CDH2: variants seen among roughly 807,000 people sequenced by gnomAD.
The protein encoded by CDH2 is cadherin 2, also known as cadherin-2.
A neutral mutation model predicts 92.0 loss-of-function variants in CDH2; 17 were observed. That is an observed-to-expected ratio of 0.18 (90% CI 0.13 to 0.28). The LOEUF (loss-of-function observed/expected upper bound fraction) is 0.28, where lower values mean the gene tolerates loss of function less well. CDH2 is among the 10% of genes least tolerant of loss of function. The pLI, the probability that CDH2 is intolerant of heterozygous loss-of-function variation, is 1.00. For missense variants in CDH2, 862 were observed against 1,133.1 expected (o/e 0.76, Z 3.44); for synonymous variants, 419 against 415.9 (o/e 1.01, Z -0.09).
intron 2 of CDH2, among the ~76,000 whole-genome samples, chr18:28,066,301 A>T (rs1277499509): frequency 1.3e-5 from 2 of 152,232 alleles, no homozygotes; most frequent in Non-Finnish European, 2.9e-5. Context: ...TTCAAAATGC[A>T]AATATTTCAT....
chr18:28,128,691 A>G (rs1326754469), intron 2 of CDH2, among the ~76,000 whole-genome samples: 1 of 152,118 alleles, frequency 6.6e-6, no homozygotes, highest in Non-Finnish European at 1.5e-5. Flanking sequence ...GTCTCAAAAA[A>G]AAAAAAAAAG....
At chr18:28,066,070 T>G (rs17463213) in intron 2 of CDH2, among the ~76,000 whole-genome samples, 1 of 152,012 alleles carries the variant, frequency 6.6e-6, no homozygotes, top group South Asian at 2.1e-4. Context: ...GCTGGCCACA[T>G]TCTACGACTT....
At chr18:28,034,054 T>G (rs1232601809) in intron 2 of CDH2, among the ~76,000 whole-genome samples, 1 of 152,112 alleles carries the variant, frequency 6.6e-6, no homozygotes, top group Non-Finnish European at 1.5e-5. Flanking sequence ...ATAATCATTT[T>G]TTTATCAATT....
rs1428661263 is a variant in CDH2, at chr18:28,036,392, C to T, written c.173-22483G>A. ...TATAAAATGTACTTTGTACATAAGTCTTCTCATTTTATGTTACTTTGTTTT... is the reference window on the plus strand; with the variant it reads ...TATAAAATGTACTTTGTACATAAGTTTTCTCATTTTATGTTACTTTGTTTT... On this transcript the variant is annotated intron_variant, in intron 2 of 15. Transcript: ENST00000269141. The T allele has an allele frequency of 6.4e-6, 5 of 775,444 alleles. No individual in the cohort carries two copies. In the East Asian group the frequency reaches 1.2e-4, roughly 19 times the overall value. The allele number at this position is 775,444 out of a possible 1,614,324, so 48.0% of individuals were successfully genotyped here.
intron 2 of CDH2, among the ~76,000 whole-genome samples, chr18:28,086,509 C>T (rs1307961045): frequency 1.3e-5 from 2 of 151,950 alleles, no homozygotes; most frequent in African/African-American, 4.8e-5. Flanking sequence ...AGAGTGTACT[C>T]GGGAAAAGAG....
intron 9 of CDH2, among the ~76,000 whole-genome samples, chr18:27,991,266 T>C (rs1446964565): frequency 1.3e-5 from 2 of 152,190 alleles, no homozygotes; most frequent in East Asian, 3.9e-4. Flanking sequence ...AGGCTCATAA[T>C]TGGTAGCCTA....
At chr18:28,125,416 A>G (rs940631134) in intron 2 of CDH2, among the ~76,000 whole-genome samples, 1 of 152,150 alleles carries the variant, frequency 6.6e-6, no homozygotes, top group Admixed American at 6.5e-5. Context: ...AATGGAGTAA[A>G]AAAAAATTTT....
intron 2 of CDH2, among the ~76,000 whole-genome samples, chr18:28,096,498 G>A (rs1404897929): frequency 6.7e-6 from 1 of 149,910 alleles, no homozygotes; most frequent in African/African-American, 2.4e-5. Flanking sequence ...AACGCAATAT[G>A]AAAATACATA....
intron 2 of CDH2, among the ~76,000 whole-genome samples, chr18:28,087,375 AG>A (rs1479583980): frequency 3.3e-5 from 5 of 152,230 alleles, no homozygotes; most frequent in Admixed American, 6.5e-5. Flanking sequence ...TAACGGGAGC[AG>A]TAACCAGGTT....
chr18:28,003,267 T>G, intron 6 of CDH2, 98 bp from the exon 7 acceptor site: 1 of 871,330 alleles, frequency 1.1e-6, no homozygotes, highest in Non-Finnish European at 1.7e-6. Context: ...TTATTTTCAC[T>G]TTTTAAAAAC....
At chr18:28,005,730 G>C in intron 6 of CDH2, 119 bp downstream of exon 6, 1 of 635,360 alleles carries the variant, frequency 1.6e-6, no homozygotes, top group Non-Finnish European at 2.5e-6. Flanking sequence ...AAAGCATTAT[G>C]AATGAAAGAA....
intron 2 of CDH2, among the ~76,000 whole-genome samples, chr18:28,093,489 C>T (rs753974710): frequency 1.6e-4 from 25 of 152,042 alleles, no homozygotes; most frequent in Non-Finnish European, 3.4e-4. Context: ...CCATTCGACT[C>T]CCATATGGAA....
At chr18:27,946,994 G>C (rs1243564876), downstream of CDH2, among the ~76,000 whole-genome samples, 1 of 151,526 alleles carries the variant, frequency 6.6e-6, no homozygotes, top group Non-Finnish European at 1.5e-5. Context: ...ATGCATAATC[G>C]TGAAACATAC....
At chr18:27,975,584 C>T (rs2011799703) in intron 14 of CDH2, among the ~76,000 whole-genome samples, 1 of 152,230 alleles carries the variant, frequency 6.6e-6, no homozygotes, top group Non-Finnish European at 1.5e-5. Flanking sequence ...TGCCTGCCAC[C>T]CCAAGGCCCC....
chr18:27,966,318 T>C (rs1394102135), intron 14 of CDH2, among the ~76,000 whole-genome samples: 2 of 152,220 alleles, frequency 1.3e-5, no homozygotes, highest in African/African-American at 2.4e-5. Context: ...TGGTGACATA[T>C]TCTTTGATAC....
At chr18:27,996,811 T>C (rs2012598117) in intron 7 of CDH2, among the ~76,000 whole-genome samples, 1 of 152,164 alleles carries the variant, frequency 6.6e-6, no homozygotes. Flanking sequence ...AACCTTGGGT[T>C]TTGCATGATC....
chr18:28,142,383 G>C (rs1283640329), intron 2 of CDH2, among the ~76,000 whole-genome samples: 1 of 151,652 alleles, frequency 6.6e-6, no homozygotes, highest in African/African-American at 2.4e-5. Context: ...ATCTTACTTT[G>C]CTGCACTGCA....
intron 2 of CDH2, among the ~76,000 whole-genome samples, chr18:28,024,409 T>C (rs1200871927): frequency 1.3e-5 from 2 of 150,870 alleles, no homozygotes; most frequent in African/African-American, 4.9e-5. Context: ...TGTACAAATC[T>C]AGAAAATCTA....
At chr18:28,039,156 C>T (rs1024785336) in intron 2 of CDH2, among the ~76,000 whole-genome samples, 1 of 152,148 alleles carries the variant, frequency 6.6e-6, no homozygotes, top group Non-Finnish European at 1.5e-5. Flanking sequence ...AAAGTCCCTT[C>T]ATTTCTCTCC....
Sources: allele counts gnomAD v4.1 joint callset (sites outside exome capture counted in the v4.1 genomes callset), GRCh38; gene constraint gnomAD v4.1.1; transcripts MANE v1.5; gene names NCBI Gene and HGNC (gene_info 2026-07-23, HGNC 2026-07-21).